The following EXOC6B variants were observed in gnomAD, a reference collection of about 807,000 sequenced individuals.
The protein encoded by EXOC6B is SEC15 homolog B.
EXOC6B carries 54 observed loss-of-function variants against 113.5 expected under a neutral mutation model. The ratio of observed to expected loss-of-function variants is 0.48; its 90% confidence interval spans 0.38 to 0.60. The LOEUF (loss-of-function observed/expected upper bound fraction) is 0.60. Among genes scored for constraint, EXOC6B ranks in the 20% least tolerant of loss-of-function variants. EXOC6B has a pLI of 0.00. For synonymous variants in EXOC6B, 357 were observed against 339.0 expected (o/e 1.05, Z -0.58); for missense variants, 797 against 977.5 (o/e 0.82, Z 2.46).
chr2:72,273,509 A>G (rs1684629540), intron 20 of EXOC6B, among the ~76,000 whole-genome samples: 1 of 152,166 alleles, frequency 6.6e-6, no homozygotes. Flanking sequence ...CAAGAAGTAT[A>G]GAGGGTGGGC....
intron 16 of EXOC6B, among the ~76,000 whole-genome samples, chr2:72,491,906 T>A (rs541927697): frequency 6.6e-6 from 1 of 152,136 alleles, no homozygotes; most frequent in Non-Finnish European, 1.5e-5. Flanking sequence ...AGAACTATGA[T>A]TGCATTATCC....
intron 6 of EXOC6B, among the ~76,000 whole-genome samples, chr2:72,645,326 C>A (rs1434529395): frequency 6.6e-6 from 1 of 152,082 alleles, no homozygotes; most frequent in Admixed American, 6.5e-5. Flanking sequence ...CTTAGACTCC[C>A]ACACAATAAT....
At chr2:72,329,365 G>T (rs1217609710) in intron 20 of EXOC6B, among the ~76,000 whole-genome samples, 1 of 152,038 alleles carries the variant, frequency 6.6e-6, no homozygotes, top group African/African-American at 2.4e-5. Flanking sequence ...ATATGGGCCT[G>T]CCCCACCCCA....
intron 18 of EXOC6B, among the ~76,000 whole-genome samples, chr2:72,423,103 T>C (rs1035306738): frequency 1.3e-5 from 2 of 152,196 alleles, no homozygotes; most frequent in East Asian, 3.9e-4. Flanking sequence ...ACCGCGAAGA[T>C]CTGCAGCTTC....
intron 16 of EXOC6B, among the ~76,000 whole-genome samples, chr2:72,490,702 A>G (rs1699694430): frequency 6.6e-6 from 1 of 152,200 alleles, no homozygotes; most frequent in Non-Finnish European, 1.5e-5. Flanking sequence ...ATTCAATGAA[A>G]TGGTGCCAAA....
intron 6 of EXOC6B, among the ~76,000 whole-genome samples, chr2:72,704,642 G>A (rs1348314319): frequency 6.6e-6 from 1 of 151,962 alleles, no homozygotes; most frequent in Non-Finnish European, 1.5e-5. Flanking sequence ...ATGATAAAGG[G>A]GATATCACCA....
chr2:72,492,567 A>C (rs945298868), intron 15 of EXOC6B, 138 bp from the exon 16 acceptor site: 1 of 508,580 alleles, frequency 2.0e-6, no homozygotes, highest in Non-Finnish European at 3.5e-6. Flanking sequence ...AAGTCAGAAA[A>C]AGTACTATAA....
chr2:72,818,624 T>C (rs1481000327), intron 1 of EXOC6B, among the ~76,000 whole-genome samples: 1 of 152,180 alleles, frequency 6.6e-6, no homozygotes, highest in Non-Finnish European at 1.5e-5. Flanking sequence ...AGTGACCACA[T>C]GTCACTTTCC....
intron 17 of EXOC6B, among the ~76,000 whole-genome samples, chr2:72,479,056 CTCAGGG>C (rs1264595681): frequency 2.6e-5 from 4 of 152,116 alleles, no homozygotes; most frequent in Non-Finnish European, 4.4e-5. Context: ...CATACTCATT[CTCAGGG>C]CCTTTTTATT....
At chr2:72,812,493 A>G (rs909661886) in intron 1 of EXOC6B, among the ~76,000 whole-genome samples, 1 of 152,218 alleles carries the variant, frequency 6.6e-6, no homozygotes, top group Non-Finnish European at 1.5e-5. Context: ...TCAAAATCTC[A>G]GCAGACTTTT....
At chr2:72,490,674 T>C (rs969813333) in intron 16 of EXOC6B, among the ~76,000 whole-genome samples, 1 of 152,174 alleles carries the variant, frequency 6.6e-6, no homozygotes, top group Non-Finnish European at 1.5e-5. Flanking sequence ...ACCCAATGAC[T>C]AAGGAATAAC....
At chr2:72,480,422 T>C (rs892970056) in intron 17 of EXOC6B, among the ~76,000 whole-genome samples, 194 bp downstream of exon 17, 2 of 152,222 alleles carry the variant, frequency 1.3e-5, no homozygotes, top group Non-Finnish European at 2.9e-5. Context: ...TGTTTCGTTT[T>C]GTTTAAACAC....
At chr2:72,663,496 T>C (rs758563190) in intron 6 of EXOC6B, among the ~76,000 whole-genome samples, 6 of 152,232 alleles carry the variant, frequency 3.9e-5, no homozygotes, top group Non-Finnish European at 7.3e-5. Flanking sequence ...CACTTCTAAA[T>C]AATATACGGG....
chr2:72,353,562 C>G (rs1689792985), intron 19 of EXOC6B, among the ~76,000 whole-genome samples: 1 of 151,862 alleles, frequency 6.6e-6, no homozygotes, highest in East Asian at 1.9e-4. Context: ...TTAGTAGAGA[C>G]AGGGTTTCAC....
intron 1 of EXOC6B, among the ~76,000 whole-genome samples, chr2:72,748,288 T>G (rs992237146): frequency 6.6e-6 from 1 of 152,088 alleles, no homozygotes; most frequent in African/African-American, 2.4e-5. Context: ...AAACATTTTC[T>G]TCTCATTAAG....
At chr2:72,309,107 T>C (rs1687050738) in intron 20 of EXOC6B, among the ~76,000 whole-genome samples, 5 of 152,116 alleles carry the variant, frequency 3.3e-5, no homozygotes, top group Admixed American at 3.3e-4. Context: ...TGTTGCTTTC[T>C]ATACCAATCA....
At chr2:72,218,403 A>G (rs1680664814) in intron 20 of EXOC6B, among the ~76,000 whole-genome samples, 1 of 152,220 alleles carries the variant, frequency 6.6e-6, no homozygotes, top group South Asian at 2.1e-4. Flanking sequence ...AGGCCACTCA[A>G]TAAGGGTCCC....
In EXOC6B at chr2:72,640,302, A is replaced by T. The variant is rs537617065; in HGVS notation, c.670-64634T>A. Among the ~76,000 whole-genome samples, 44 of 152,334 alleles carry T rather than the reference A, an allele frequency of 2.9e-4. 1 individual carries two copies. In the South Asian group the frequency reaches 8.9e-3, roughly 31 times the overall value. ...GAAGATTGGCTTTCTGAAATAAGAC[A>T]GACAAGAATAGAGAAAAAAGAATGA... On this transcript the variant is annotated intron_variant, in intron 6 of 21. Coordinates refer to ENST00000272427, the MANE Select transcript of EXOC6B (RefSeq NM_015189.3).
Position 72,764,868 on chromosome 2 carries a change from C to T in EXOC6B, c.114-23399G>A, listed in dbSNP as rs145898609. Among the ~76,000 whole-genome samples, 284 of 152,242 alleles carry T rather than the reference C, an allele frequency of 1.9e-3. 8 individuals are homozygous for T. The highest frequency in any genetic ancestry group is 7.0e-3 in the East Asian group (36 of 5,174). Reference sequence around the variant, plus strand: ...AATATTCTTCACTTTTAAGCCAGATCGTATACTAATATTGCCATTCCTTCC... The same window carrying T: ...AATATTCTTCACTTTTAAGCCAGATTGTATACTAATATTGCCATTCCTTCC... On this transcript the variant is annotated intron_variant, in intron 1 of 21. Transcript: ENST00000272427.
Sources: gnomAD v4.1 joint callset for allele counts (sites outside exome capture counted in the v4.1 genomes callset) on GRCh38, gnomAD v4.1.1 for gene constraint, MANE v1.5 for transcripts, NCBI Gene and HGNC (gene_info 2026-07-23, HGNC 2026-07-21) for gene names.